EDA: variants seen among roughly 807,000 people sequenced by gnomAD.
EDA encodes ectodysplasin-A.
A neutral mutation model predicts 23.6 loss-of-function variants in EDA; 2 were observed. The ratio of observed to expected loss-of-function variants is 0.08; its 90% CI spans 0.03 to 0.27. EDA has a LOEUF of 0.27. Ranked by LOEUF, EDA falls within the 10% of genes least tolerant of loss-of-function variation. The pLI, the probability that EDA is intolerant of heterozygous loss-of-function variation, is 1.00. For missense variants in EDA, 229 were observed against 324.2 expected (o/e 0.71, Z 2.26); for synonymous variants, 131 against 132.0 (o/e 0.99, Z 0.05).
At chrX:69,852,827 G>A (rs1256881625) in intron 1 of EDA, among the ~76,000 whole-genome samples, 1 of 111,838 alleles carries the variant, frequency 8.9e-6, no homozygotes, top group African/African-American at 3.2e-5. Flanking sequence ...AAAAAAGGTT[G>A]AGACTAGAAT....
chrX:70,012,945 C>T (rs955613283), intron 2 of EDA, among the ~76,000 whole-genome samples: 1 of 112,443 alleles, frequency 8.9e-6, no homozygotes, highest in African/African-American at 3.2e-5. Context: ...TCACAGCTCC[C>T]TCCTCTAATG....
At chrX:69,739,602 T>A (rs772462322) in intron 1 of EDA, among the ~76,000 whole-genome samples, 9 of 111,327 alleles carry the variant, frequency 8.1e-5, no homozygotes, top group Non-Finnish European at 1.7e-4. Flanking sequence ...AATATTTTTC[T>A]GGTATAACAT....
At chrX:69,831,996 A>T (rs1233173909) in intron 1 of EDA, among the ~76,000 whole-genome samples, 1 of 110,123 alleles carries the variant, frequency 9.1e-6, no homozygotes, top group African/African-American at 3.3e-5. Flanking sequence ...TTACCTGTTC[A>T]CTCTGATGGT....
At chrX:69,638,265 T>C (rs1400822248) in intron 1 of EDA, among the ~76,000 whole-genome samples, 1 of 111,582 alleles carries the variant, frequency 9.0e-6, no homozygotes, top group African/African-American at 3.3e-5. Context: ...AACAATCACG[T>C]TGTACTAGAG....
chrX:69,869,838 A>G (rs1253159594), intron 1 of EDA, among the ~76,000 whole-genome samples: 1 of 111,759 alleles, frequency 8.9e-6, no homozygotes, highest in Non-Finnish European at 1.9e-5. Context: ...AATTATTCCC[A>G]TTGTATTTGA....
At chrX:69,975,928 A>C (rs1488261438) in intron 2 of EDA, among the ~76,000 whole-genome samples, 2 of 112,043 alleles carry the variant, frequency 1.8e-5, no homozygotes, top group African/African-American at 6.5e-5. Flanking sequence ...TTTGTGACTC[A>C]CATTATGTTT....
intron 1 of EDA, among the ~76,000 whole-genome samples, chrX:69,832,639 A>G (rs1055596650): frequency 1.8e-5 from 2 of 111,600 alleles, no homozygotes; most frequent in African/African-American, 3.3e-5. Flanking sequence ...AAGTATGGCC[A>G]TTTTCACAAT....
Position 69,749,812 on chromosome X carries a change from A to G in EDA, c.396+133108A>G, listed in dbSNP as rs781404285. 11 of 110,484 alleles carry G rather than the reference A, an allele frequency of 1.0e-4. No individual in the cohort carries two copies. The South Asian group carries it at 3.1e-3, about 31-fold the overall frequency. The allele number at this position is 110,484 out of a possible 1,213,427, so 9.1% of individuals were successfully genotyped here. ...ATAACACAGATAACTTTCCGTTGACATAGGACTAATAGGATTTTAGTTCCA... is the reference window on the plus strand; with the variant it reads ...ATAACACAGATAACTTTCCGTTGACGTAGGACTAATAGGATTTTAGTTCCA... On this transcript the variant is annotated intron_variant, in intron 1 of 7. Transcript: ENST00000374552.
chrX:69,779,174 G>C (rs2014870535), intron 1 of EDA, among the ~76,000 whole-genome samples: 1 of 111,044 alleles, frequency 9.0e-6, no homozygotes, highest in Non-Finnish European at 1.9e-5. Context: ...TCCATTCTAA[G>C]GTATATACCC....
chrX:69,801,990 A>T (rs1200024527), intron 1 of EDA, among the ~76,000 whole-genome samples: 1 of 111,791 alleles, frequency 8.9e-6, no homozygotes, highest in Non-Finnish European at 1.9e-5. Context: ...TGACCCAGGC[A>T]CTTTTACTCC....
At chrX:69,883,677 G>T (rs745347949) in intron 1 of EDA, among the ~76,000 whole-genome samples, 21 of 111,703 alleles carry the variant, frequency 1.9e-4, no homozygotes, top group Non-Finnish European at 3.8e-4. Context: ...GGTTTATTTT[G>T]TTTCTGAATA....
chrX:69,781,757 C>T (rs1466881748), intron 1 of EDA, among the ~76,000 whole-genome samples: 2 of 110,473 alleles, frequency 1.8e-5, no homozygotes, highest in Non-Finnish European at 3.8e-5. Context: ...CTTAGCTATG[C>T]AATTATATCT....
intron 1 of EDA, among the ~76,000 whole-genome samples, chrX:69,938,726 T>C (rs1198576085): frequency 8.9e-6 from 1 of 112,279 alleles, no homozygotes; most frequent in Non-Finnish European, 1.9e-5. Context: ...GTGTCATAGT[T>C]TGAGGTCCTA....
At chrX:69,964,661 G>A (rs1180154781) in intron 2 of EDA, among the ~76,000 whole-genome samples, 1 of 111,810 alleles carries the variant, frequency 8.9e-6, no homozygotes, top group Non-Finnish European at 1.9e-5. Flanking sequence ...GCATGCAAAT[G>A]GTTTCATGAA....
chrX:69,795,059 C>T (rs763996616), intron 1 of EDA, among the ~76,000 whole-genome samples: 5 of 111,360 alleles, frequency 4.5e-5, no homozygotes, highest in South Asian at 3.8e-4. Context: ...GGTCTTGCTC[C>T]GTCACCCAGG....
At chrX:69,670,183 G>GTTTTTTTTTTTT (rs544601085) in intron 1 of EDA, 23 of 236,411 alleles carry the variant, frequency 9.7e-5, no homozygotes, top group South Asian at 1.8e-4. Context: ...TTGGCTGACT[G>GTTTTTTTTTTTT]TTTTTTTTTT....
intron 1 of EDA, among the ~76,000 whole-genome samples, chrX:69,681,181 G>C (rs767630886): frequency 9.0e-6 from 1 of 110,969 alleles, no homozygotes; most frequent in East Asian, 2.8e-4. Flanking sequence ...GAGTTTCTGC[G>C]GAGAGATCTG....
At chrX:69,789,822 T>C (rs961012983) in intron 1 of EDA, among the ~76,000 whole-genome samples, 1 of 112,263 alleles carries the variant, frequency 8.9e-6, no homozygotes, top group Non-Finnish European at 1.9e-5. Context: ...TCTACTAATA[T>C]AGCTTAACAT....
At chrX:69,875,110 C>A (rs2017623297) in intron 1 of EDA, among the ~76,000 whole-genome samples, 2 of 111,288 alleles carry the variant, frequency 1.8e-5, no homozygotes, top group African/African-American at 6.5e-5. Flanking sequence ...CATCATTCTT[C>A]ATATAACTAG....
Sources: allele counts gnomAD v4.1 joint callset (sites outside exome capture counted in the v4.1 genomes callset), GRCh38; gene constraint gnomAD v4.1.1; transcripts MANE v1.5; gene names NCBI Gene and HGNC (gene_info 2026-07-23, HGNC 2026-07-21).